Variants in GAREM1 observed in about 807,000 individuals in gnomAD.
The protein encoded by GAREM1 is GRB2 associated regulator of MAPK1 subtype 1.
GAREM1 carries 26 observed loss-of-function variants against 71.3 expected under a neutral mutation model. That is an observed-to-expected ratio of 0.36 (90% confidence interval 0.27 to 0.51). GAREM1 has a LOEUF of 0.51. GAREM1 is among the 20% of genes least tolerant of loss of function. The pLI is 0.95. For missense variants in GAREM1, 1,026 were observed against 1,103.1 expected (o/e 0.93, Z 0.99); for synonymous variants, 440 against 433.2 (o/e 1.02, Z -0.20).
chr18:32,451,057 G>A (rs1004772598), intron 1 of GAREM1, among the ~76,000 whole-genome samples: 3 of 152,238 alleles, frequency 2.0e-5, no homozygotes, highest in Middle Eastern at 3.4e-3. Context: ...GGCTGAGGTG[G>A]CAGAACCACT....
Position 32,470,264 on chromosome 18 carries a change from C to T in GAREM1, c.121+44G>A. The T allele has an allele frequency of 1.4e-6, 2 of 1,450,266 alleles. No individual in the cohort carries two copies. Among genetic ancestry groups the T allele is most frequent in the Non-Finnish European group, 1.8e-6 (2 of 1,095,678 alleles). The allele number at this position is 1,450,266 out of a possible 1,614,324, so 89.8% of individuals were successfully genotyped here. A position where few individuals can be genotyped will look rare whatever the true frequency, so the allele number is the denominator to read the frequency against. ...ACACGCGCGCACACCCGCGTGGAGA[C>T]GGCTGTCCTCGCCCGTCTGCCCCGC... On this transcript the variant is annotated intron_variant, in intron 1 of 5. Coordinates refer to ENST00000269209, the MANE Select transcript of GAREM1 (RefSeq NM_001242409.2). This position sits in a 1 kb window ranked among gnomAD's most constrained non-coding sequence, Gnocchi z 4.4.
chr18:32,464,906 AGGGCTTGTCACATAGCAG>A (rs1349489292), intron 1 of GAREM1, among the ~76,000 whole-genome samples: 3 of 152,224 alleles, frequency 2.0e-5, no homozygotes, highest in African/African-American at 7.2e-5. Flanking sequence ...CACCTGTAAC[AGGGCTTGTCACATAGCAG>A]GGGCTTAGTT....
Position 32,433,486 on chromosome 18 carries a change from T to C in GAREM1, c.121+36822A>G, listed in dbSNP as rs370406864. Among the ~76,000 whole-genome samples the C allele has an allele frequency of 4.0e-5, 6 of 151,432 alleles. No individual in the cohort carries two copies. The East Asian group carries it at 9.7e-4, about 24-fold the overall frequency. ...AATTAAAAACATATAATTAAAAACA[T>C]ATAGAAAGGAAATCTATATGTTATA... On this transcript the variant is annotated intron_variant, in intron 1 of 5. Transcript: ENST00000269209.
At chr18:32,403,760 T>C (rs1024343191) in intron 1 of GAREM1, among the ~76,000 whole-genome samples, 8 of 152,182 alleles carry the variant, frequency 5.3e-5, no homozygotes, top group African/African-American at 1.9e-4. Context: ...ATCCTACTCA[T>C]TTAAACTGCA....
intron 2 of GAREM1, among the ~76,000 whole-genome samples, chr18:32,389,641 A>T (rs1223264549): frequency 2.0e-5 from 3 of 152,182 alleles, no homozygotes; most frequent in Admixed American, 6.5e-5. Context: ...CCTAGATGAA[A>T]TTCTGAAAAA....
intron 1 of GAREM1, among the ~76,000 whole-genome samples, chr18:32,413,909 G>A (rs2048443355): frequency 6.6e-6 from 1 of 151,998 alleles, no homozygotes; most frequent in Admixed American, 6.6e-5. Flanking sequence ...ATAATTTTCT[G>A]GGGCAAAATG....
intron 4 of GAREM1, among the ~76,000 whole-genome samples, chr18:32,276,452 T>G (rs1264949979): frequency 6.6e-6 from 1 of 152,196 alleles, no homozygotes; most frequent in Non-Finnish European, 1.5e-5. Flanking sequence ...ATGGAATTAC[T>G]TATGAGGGAG....
intron 4 of GAREM1, among the ~76,000 whole-genome samples, chr18:32,271,889 AG>A (rs1194973760): frequency 6.6e-6 from 1 of 152,192 alleles, no homozygotes; most frequent in Non-Finnish European, 1.5e-5. Flanking sequence ...GTCAGGCAGC[AG>A]GGGGCAGTTT....
At chr18:32,371,000 T>C (rs2047972766) in intron 2 of GAREM1, among the ~76,000 whole-genome samples, 2 of 152,068 alleles carry the variant, frequency 1.3e-5, no homozygotes, top group South Asian at 4.2e-4. Context: ...CAGGATCTAC[T>C]GGGGGAAACA....
chr18:32,388,331 T>C (rs1464148418), intron 2 of GAREM1, among the ~76,000 whole-genome samples: 1 of 152,168 alleles, frequency 6.6e-6, no homozygotes, highest in Non-Finnish European at 1.5e-5. Flanking sequence ...ATGGTGGAGT[T>C]AAGTTAGAAA....
chr18:32,463,408 G>C (rs2048969877), intron 1 of GAREM1, among the ~76,000 whole-genome samples: 1 of 151,654 alleles, frequency 6.6e-6, no homozygotes, highest in Non-Finnish European at 1.5e-5. Flanking sequence ...ATCTTGTCCT[G>C]TGGGTCTAGG....
At chr18:32,410,953 C>T (rs1482087397) in intron 1 of GAREM1, among the ~76,000 whole-genome samples, 2 of 152,082 alleles carry the variant, frequency 1.3e-5, no homozygotes, top group African/African-American at 2.4e-5. Flanking sequence ...CAGGTGAGTG[C>T]CACCACGCCC....
intron 2 of GAREM1, among the ~76,000 whole-genome samples, chr18:32,333,132 T>G (rs1234690434): frequency 1.3e-5 from 2 of 151,274 alleles, no homozygotes; most frequent in Non-Finnish European, 2.9e-5. Context: ...CCAGGAGGGT[T>G]AGGTTTTCTG....
At chr18:32,354,108 C>T (rs571661819) in intron 2 of GAREM1, among the ~76,000 whole-genome samples, 1 of 152,076 alleles carries the variant, frequency 6.6e-6, no homozygotes, top group Non-Finnish European at 1.5e-5. Context: ...AAGGTAGCAG[C>T]AAATATAAAA....
At chr18:32,392,850 C>T in intron 2 of GAREM1, 45 bp downstream of exon 2, 2 of 1,589,962 alleles carry the variant, frequency 1.3e-6, no homozygotes, top group Non-Finnish European at 1.7e-6. Context: ...CTATTCACAT[C>T]CCCTTTCTCT....
At chr18:32,386,652 G>A (rs1470030032) in intron 2 of GAREM1, among the ~76,000 whole-genome samples, 1 of 152,164 alleles carries the variant, frequency 6.6e-6, no homozygotes, top group Non-Finnish European at 1.5e-5. Context: ...ATGACAGCAA[G>A]CTTGCCACGG....
chr18:32,444,090 T>C lies in GAREM1; in HGVS notation c.121+26218A>G, dbSNP rs529110879. Among the ~76,000 whole-genome samples, 3 of 152,052 alleles carry C rather than the reference T, an allele frequency of 2.0e-5. No individual in the cohort carries two copies. In the East Asian group the frequency reaches 5.8e-4, roughly 30 times the overall value. The stretch of plus-strand genomic sequence containing the variant: ...CAAATCTACATGGACAGAAAATAAA[T>C]TGGCAGCTGCCAAGCAGTAGAGAAA... On this transcript the variant is annotated intron_variant, in intron 1 of 5. Coordinates refer to ENST00000269209, the MANE Select transcript of GAREM1 (RefSeq NM_001242409.2).
At chr18:32,312,626 A>AG (rs2047335710) in intron 2 of GAREM1, among the ~76,000 whole-genome samples, 1 of 152,194 alleles carries the variant, frequency 6.6e-6, no homozygotes, top group Admixed American at 6.5e-5. Context: ...GATGGAACAG[A>AG]GGCTACTGAG....
intron 1 of GAREM1, among the ~76,000 whole-genome samples, chr18:32,463,450 C>T (rs1441616436): frequency 2.0e-5 from 3 of 152,138 alleles, no homozygotes; most frequent in African/African-American, 7.2e-5. Context: ...CTACAATGTC[C>T]TCTCCTATTT....
Sources: allele counts gnomAD v4.1 joint callset (sites outside exome capture counted in the v4.1 genomes callset), GRCh38; gene constraint gnomAD v4.1.1; non-coding constraint Gnocchi (gnomAD v3.1); transcripts MANE v1.5; gene names NCBI Gene and HGNC (gene_info 2026-07-23, HGNC 2026-07-21).